SARDH: variants seen among roughly 807,000 people sequenced by gnomAD.
SARDH encodes sarcosine dehydrogenase, mitochondrial.
SARDH carries 95 observed loss-of-function variants against 109.1 expected under a neutral mutation model. That is an observed-to-expected ratio of 0.87 (90% CI 0.74 to 1.03). The LOEUF (loss-of-function observed/expected upper bound fraction) is 1.03. Among genes scored for constraint, SARDH ranks in the 50% least tolerant of loss-of-function variants. SARDH has a pLI of 0.00. For missense variants in SARDH, 1,267 were observed against 1,287.8 expected, an observed-to-expected ratio of 0.98 and a Z score of 0.25; for synonymous variants, 572 against 534.8, an observed-to-expected ratio of 1.07 and a Z score of -0.96.
intron 15 of SARDH, 75 bp downstream of exon 15, chr9:133,694,183 C>G: frequency 8.8e-7 from 1 of 1,135,058 alleles, no homozygotes; most frequent in Non-Finnish European, 1.3e-6. Context: ...TCCCGTCCAT[C>G]CTGCCCTGTC....
At chr9:133,664,266 C>T (rs1829980448) in intron 20 of SARDH, among the ~76,000 whole-genome samples, 1 of 152,202 alleles carries the variant, frequency 6.6e-6, no homozygotes, top group Admixed American at 6.5e-5. Context: ...ATATGACTTC[C>T]ACCGGACAAC....
chr9:133,701,940 A>G (rs952340801), intron 13 of SARDH, among the ~76,000 whole-genome samples: 1 of 152,214 alleles, frequency 6.6e-6, no homozygotes, highest in African/African-American at 2.4e-5. Context: ...CATGAACCCA[A>G]GCGGGGCCCT....
chr9:133,731,689 A>G (rs375845952), intron 3 of SARDH, among the ~76,000 whole-genome samples: 1 of 152,214 alleles, frequency 6.6e-6, no homozygotes, highest in East Asian at 1.9e-4. Flanking sequence ...CTCCGGGGCC[A>G]GGCCGCCTGT....
At chr9:133,729,738 A>G (rs1832607498) in intron 6 of SARDH, 27 bp downstream of exon 6, 1 of 1,597,238 alleles carries the variant, frequency 6.3e-7, no homozygotes, top group South Asian at 1.1e-5. Flanking sequence ...CCACAGACTG[A>G]CACAGAACCC....
chr9:133,714,738 C>T (rs977516503), intron 8 of SARDH, among the ~76,000 whole-genome samples: 16 of 152,136 alleles, frequency 1.1e-4, no homozygotes, highest in Non-Finnish European at 2.1e-4. Flanking sequence ...CAAAATCGCA[C>T]CACTGCTCTG....
In SARDH at chr9:133,663,982, A is replaced by G. The variant is rs779368025; in HGVS notation, c.2664T>C (p.Tyr888=). 6.2e-7 allele frequency: 1 copy of G among 1,614,176 alleles called. No homozygotes were observed. The change falls in exon 21 of 21, where the codon TAT becomes TAC. Residue 888 remains tyrosine (Y), a synonymous_variant. Coordinates refer to ENST00000439388, the MANE Select transcript of SARDH (RefSeq NM_001134707.2). ...AGGTCACCCCCATTCTCTCCAGGGCATAGTCCCCGCTCTTCACAAAGTCCA... is the reference window on the plus strand; with the variant it reads ...AGGTCACCCCCATTCTCTCCAGGGCGTAGTCCCCGCTCTTCACAAAGTCCA... ...VSLDFVKSGD[Y]ALERMGVTYG... is the part of the protein sequence containing the mutation.
At chr9:133,694,488 C>A in intron 14 of SARDH, 117 bp from the exon 15 acceptor site, 1 of 849,450 alleles carries the variant, frequency 1.2e-6, no homozygotes, top group East Asian at 2.7e-5. Flanking sequence ...CTGGATAACC[C>A]CCAGACAGGA....
At position 133,666,717 on chromosome 9, in the gene SARDH, C is replaced by G. The variant is rs12235666; in HGVS notation, c.2631+18G>C. On this transcript the variant is annotated intron_variant, in intron 20 of 20. Transcript: ENST00000439388. The surrounding 1 kb of genome is among the most constrained non-coding windows in gnomAD (Gnocchi z 5.2). Reference sequence around the variant, plus strand: ...GGGATCGGCATCTGCCTTAGCAGGGCCAGAGAAGGGGACTCACCGGCCCAC... The same window carrying G: ...GGGATCGGCATCTGCCTTAGCAGGGGCAGAGAAGGGGACTCACCGGCCCAC... 71,305 of 1,577,180 alleles carry G rather than the reference C, an allele frequency of 0.045. 2,059 individuals carry two copies. The highest frequency in any genetic ancestry group is 0.11 in the South Asian group (9,183 of 86,042).
intron 17 of SARDH, among the ~76,000 whole-genome samples, chr9:133,684,991 T>A (rs1830831917): frequency 6.6e-6 from 1 of 152,196 alleles, no homozygotes. Context: ...ACGCTGTGAC[T>A]TTGATCCACA....
intron 6 of SARDH, chr9:133,725,647 G>A: frequency 3.7e-6 from 1 of 268,236 alleles, no homozygotes; most frequent in South Asian, 3.2e-5. Context: ...CTGTACTCCA[G>A]TGTGGGCAAC....
Position 133,725,370 on chromosome 9 carries a change from A to T in SARDH, c.915+4395T>A, listed in dbSNP as rs1034008124. On this transcript the variant is annotated intron_variant, in intron 6 of 20. Transcript: ENST00000439388. Reference sequence around the variant, plus strand: ...AAAGTTGGACACTACTTGCTCAGGTATTAACAATGTTTACATAATCAGCTA... The same window carrying T: ...AAAGTTGGACACTACTTGCTCAGGTTTTAACAATGTTTACATAATCAGCTA... 8 of 266,602 alleles carry T rather than the reference A, an allele frequency of 3.0e-5. No individual in the cohort carries two copies. In the East Asian group the frequency reaches 8.8e-4, roughly 29 times the overall value. 16.5% of individuals were successfully genotyped at this position (266,602 alleles called of 1,614,324 possible). A position where few individuals can be genotyped will look rare whatever the true frequency, so the allele number is the denominator to read the frequency against.
At chr9:133,732,399 T>A in intron 3 of SARDH, 24 bp downstream of exon 3, 4 of 659,772 alleles carry the variant, frequency 6.1e-6, no homozygotes, top group African/African-American at 2.1e-5. Flanking sequence ...CCCCCCTCCT[T>A]GCCCCCCGCA....
chr9:133,660,713 A>AC (rs759425045), downstream of SARDH, among the ~76,000 whole-genome samples: 55 of 152,024 alleles, frequency 3.6e-4, no homozygotes, highest in East Asian at 4.5e-3. Flanking sequence ...GGGTGGCACA[A>AC]CCCCCCATCT....
chr9:133,703,204 G>T (rs1394227001), intron 12 of SARDH, 175 bp from the exon 13 acceptor site: 2 of 613,554 alleles, frequency 3.3e-6, no homozygotes, highest in Non-Finnish European at 5.8e-6. Flanking sequence ...ATGAGGTCCA[G>T]GCAAAACAGA....
rs1392669944 is a variant in SARDH at position 133,712,841 on chromosome 9, C to T, written c.1238-132G>A. The stretch of plus-strand genomic sequence containing the variant: ...GCTCTCACACCTGGGGTGCTGCACG[C>T]CTCCTGATTGGACTGCTGCTGGACT... On this transcript the variant is annotated intron_variant, in intron 9 of 20. Coordinates refer to ENST00000439388, the MANE Select transcript of SARDH (RefSeq NM_001134707.2). The surrounding 1 kb of genome is among the most constrained non-coding windows in gnomAD (Gnocchi z 4.1). 1.0e-6 allele frequency: 1 copy of T among 968,606 alleles called. No individual in the cohort carries two copies. Among genetic ancestry groups the T allele is most frequent in the Non-Finnish European group, 1.6e-6 (1 of 644,038 alleles). 60.0% of individuals were successfully genotyped at this position (968,606 alleles called of 1,614,324 possible).
In SARDH at chr9:133,734,116, T is replaced by C; in HGVS notation, c.58A>G (p.Thr20Ala). 1.2e-6 allele frequency: 2 copies of C among 1,611,598 alleles called. No individual in the cohort carries two copies. Among genetic ancestry groups the C allele is most frequent in the Non-Finnish European group, 1.7e-6 (2 of 1,179,418 alleles). ...VAAAHPRQSP[T>A]RGMGPCNLSS... ...AGGTTGCATGGCCCCATGCCCCGGG[T>C]AGGGCTCTGGCGAGGGTGGGCAGCA... The change falls in exon 2 of 21, where the codon ACC (threonine) becomes GCC (alanine). Residue 20 changes from threonine (T) to alanine (A), a missense_variant. Thr to Ala is a moderately conservative substitution (Grantham distance 58). Coordinates refer to ENST00000439388, the MANE Select transcript of SARDH (RefSeq NM_001134707.2).
chr9:133,693,078 C>G lies in SARDH; in HGVS notation c.1921+1180G>C, dbSNP rs561001855. On this transcript the variant is annotated intron_variant, in intron 15 of 20. Transcript: ENST00000439388. This position sits in a 1 kb window ranked among gnomAD's most constrained non-coding sequence, Gnocchi z 5.6. Reference sequence around the variant, plus strand: ...GTCTTCCCACCCTGGCCCCCAATATCCCACCCCCTCCGGTCTTCATTTTTC... The same window carrying G: ...GTCTTCCCACCCTGGCCCCCAATATGCCACCCCCTCCGGTCTTCATTTTTC... Among the ~76,000 whole-genome samples, 1 of 150,762 alleles carries G rather than the reference C, an allele frequency of 6.6e-6. No homozygotes were observed. The highest frequency in any genetic ancestry group is 2.0e-4 in the East Asian group (1 of 5,052).
chr9:133,667,016 T>A, intron 19 of SARDH, 146 bp from the exon 20 acceptor site: 1 of 1,059,770 alleles, frequency 9.4e-7, no homozygotes. Context: ...AGGACTACGC[T>A]GGTCCCCAGA....
intron 11 of SARDH, among the ~76,000 whole-genome samples, chr9:133,706,018 A>G (rs1241784234): frequency 6.6e-6 from 1 of 152,168 alleles, no homozygotes; most frequent in Non-Finnish European, 1.5e-5. Flanking sequence ...TGGGGAAAAA[A>G]AAGTTCTGCT....
Sources: gnomAD v4.1 joint callset for allele counts (sites outside exome capture counted in the v4.1 genomes callset) on GRCh38, gnomAD v4.1.1 for gene constraint, Gnocchi (gnomAD v3.1) non-coding constraint, MANE v1.5 for transcripts, NCBI Gene and HGNC (gene_info 2026-07-23, HGNC 2026-07-21) for gene names.